Variants in SYN3 observed in about 807,000 individuals in gnomAD.
The protein encoded by SYN3 is synapsin-3.
In SYN3, 35 loss-of-function variants were observed where a neutral mutation model predicts 65.8. That is an observed-to-expected ratio of 0.53 (90% CI 0.41 to 0.70). The LOEUF (loss-of-function observed/expected upper bound fraction) is 0.70. SYN3 is among the 30% of genes least tolerant of loss of function. The pLI is 0.00. For synonymous variants in SYN3, 270 were observed against 292.9 expected, an observed-to-expected ratio of 0.92 and a Z score of 0.80; for missense variants, 680 against 749.0, an observed-to-expected ratio of 0.91 and a Z score of 1.08.
At chr22:32,652,160 T>C (rs1601845321) in intron 6 of SYN3, among the ~76,000 whole-genome samples, 2 of 152,272 alleles carry the variant, frequency 1.3e-5, no homozygotes, top group African/African-American at 4.8e-5. Flanking sequence ...AATAATTAAA[T>C]TGGGTCTATC....
chr22:32,966,531 C>T (rs1470038220), intron 3 of SYN3, among the ~76,000 whole-genome samples: 1 of 152,082 alleles, frequency 6.6e-6, no homozygotes, highest in Non-Finnish European at 1.5e-5. Context: ...ACAGGTCAGC[C>T]CTTTATGCAT....
chr22:32,842,372 C>T (rs2047934976), intron 6 of SYN3, among the ~76,000 whole-genome samples: 1 of 152,082 alleles, frequency 6.6e-6, no homozygotes, highest in African/African-American at 2.4e-5. Context: ...CCCTTAGTTC[C>T]GAAGGCCCTT....
chr22:32,829,353 G>A (rs1371336592), intron 6 of SYN3, among the ~76,000 whole-genome samples: 2 of 152,200 alleles, frequency 1.3e-5, no homozygotes, highest in African/African-American at 2.4e-5. Flanking sequence ...AACAGTGGAC[G>A]GAGCAAGGCA....
At chr22:32,767,321 T>C (rs1227581769) in intron 6 of SYN3, among the ~76,000 whole-genome samples, 4 of 152,180 alleles carry the variant, frequency 2.6e-5, no homozygotes, top group Non-Finnish European at 4.4e-5. Flanking sequence ...TCATGTCCCC[T>C]GCAATCCAGT....
At chr22:32,585,989 T>C (rs867126963) in intron 7 of SYN3, among the ~76,000 whole-genome samples, 5 of 82,274 alleles carry the variant, frequency 6.1e-5, no homozygotes, top group South Asian at 9.2e-4. Context: ...TATGTATGTA[T>C]ACGTATATAT....
intron 4 of SYN3, among the ~76,000 whole-genome samples, chr22:32,879,060 CACAG>C (rs2049056034): frequency 6.6e-6 from 1 of 151,880 alleles, no homozygotes; most frequent in Non-Finnish European, 1.5e-5. Flanking sequence ...CCAACACACA[CACAG>C]ACACACACAT....
intron 6 of SYN3, among the ~76,000 whole-genome samples, chr22:32,604,464 C>G (rs1318906138): frequency 1.3e-5 from 2 of 152,072 alleles, no homozygotes. Flanking sequence ...GTAAGCTGTT[C>G]CCTGTTTCCC....
At chr22:32,827,203 C>T (rs191068046) in intron 6 of SYN3, among the ~76,000 whole-genome samples, 144 of 152,312 alleles carry the variant, frequency 9.5e-4, no homozygotes, top group Non-Finnish European at 1.8e-3. Context: ...AGTGACTTTG[C>T]GTGGAGTGTC....
At chr22:32,529,594 A>T (rs940916415) in intron 10 of SYN3, among the ~76,000 whole-genome samples, 10 of 152,156 alleles carry the variant, frequency 6.6e-5, no homozygotes, top group Non-Finnish European at 1.3e-4. Context: ...AACCTGAGGG[A>T]TCCGAGTTTC....
chr22:32,849,394 T>C, intron 6 of SYN3: 1 of 1,511,326 alleles, frequency 6.6e-7, no homozygotes, highest in South Asian at 1.2e-5. Context: ...CCTGAGATGC[T>C]GTTCCTGATG....
At chr22:32,568,702 C>T (rs923730257) in intron 7 of SYN3, among the ~76,000 whole-genome samples, 1 of 152,170 alleles carries the variant, frequency 6.6e-6, no homozygotes, top group African/African-American at 2.4e-5. Flanking sequence ...CCTCCTAATT[C>T]CATCACCTTG....
chr22:32,854,320 C>T (rs1008560770), intron 6 of SYN3, among the ~76,000 whole-genome samples: 9 of 152,138 alleles, frequency 5.9e-5, no homozygotes, highest in African/African-American at 2.2e-4. Flanking sequence ...CTTCAAACTT[C>T]CAAGTAGCTG....
At chr22:32,624,552 A>G (rs2146772057) in intron 6 of SYN3, among the ~76,000 whole-genome samples, 1 of 152,338 alleles carries the variant, frequency 6.6e-6, no homozygotes, top group African/African-American at 2.4e-5. Flanking sequence ...TAACACCTGT[A>G]GGGACCTGTC....
chr22:32,564,147 G>A (rs141209413), intron 7 of SYN3, among the ~76,000 whole-genome samples: 1 of 152,320 alleles, frequency 6.6e-6, no homozygotes, highest in East Asian at 1.9e-4. Context: ...GCAGGAAAAT[G>A]CAACGCATGC....
chr22:33,054,844 C>T lies in SYN3; in HGVS notation c.-163+3448G>A, dbSNP rs1280602980. ...GATGGAGCTGCCAGACTTTCAGTAG[C>T]CAACCAATCTGAAACCATAAGGCTG... On this transcript the variant is annotated intron_variant, in intron 1 of 13. Coordinates refer to ENST00000358763, the MANE Select transcript of SYN3 (RefSeq NM_003490.4). Among the ~76,000 whole-genome samples the T allele has an allele frequency of 1.3e-5, 2 of 152,192 alleles. 1 individual carries two copies. Among genetic ancestry groups the T allele is most frequent in the Non-Finnish European group, 2.9e-5 (2 of 68,032 alleles).
intron 6 of SYN3, among the ~76,000 whole-genome samples, chr22:32,599,864 T>A (rs370541821): frequency 1.1e-4 from 17 of 152,112 alleles, no homozygotes; most frequent in African/African-American, 3.6e-4. Context: ...AGAGGATTTA[T>A]TATCTGCTTG....
At chr22:32,884,276 C>T (rs1163998549) in intron 4 of SYN3, among the ~76,000 whole-genome samples, 2 of 152,222 alleles carry the variant, frequency 1.3e-5, no homozygotes, top group East Asian at 3.8e-4. Flanking sequence ...TTTAATTCTT[C>T]CAATAGCCCC....
intron 7 of SYN3, among the ~76,000 whole-genome samples, chr22:32,586,750 C>T (rs1353096009): frequency 6.6e-6 from 1 of 152,012 alleles, no homozygotes; most frequent in Non-Finnish European, 1.5e-5. Flanking sequence ...GGAATTTTTG[C>T]AAGTAGATGA....
chr22:32,652,600 G>A (rs1385749920), intron 6 of SYN3, among the ~76,000 whole-genome samples: 2 of 152,006 alleles, frequency 1.3e-5, no homozygotes, highest in African/African-American at 4.8e-5. Flanking sequence ...CTGGTAGGGG[G>A]TGGGGGACCA....
Sources: gnomAD v4.1 joint callset for allele counts (sites outside exome capture counted in the v4.1 genomes callset) on GRCh38, gnomAD v4.1.1 for gene constraint, MANE v1.5 for transcripts, NCBI Gene and HGNC (gene_info 2026-07-23, HGNC 2026-07-21) for gene names.